The following FBXL17 variants were observed in gnomAD, a reference collection of about 807,000 sequenced individuals.
FBXL17 encodes F-box and leucine rich repeat protein 17, also known as F-box/LRR-repeat protein 17.
Under a neutral mutation model 66.2 loss-of-function variants are expected in FBXL17, and 22 were observed. The ratio of observed to expected loss-of-function variants is 0.33; its 90% confidence interval spans 0.24 to 0.47. The LOEUF is 0.47. Ranked by LOEUF, FBXL17 falls within the 20% of genes least tolerant of loss-of-function variation. FBXL17 has a pLI of 1.00. For synonymous variants in FBXL17, 474 were observed against 400.5 expected, an observed-to-expected ratio of 1.18 and a Z score of -2.19; for missense variants, 878 against 948.2, an observed-to-expected ratio of 0.93 and a Z score of 0.97.
chr5:107,979,373 C>T (rs1363172599), intron 7 of FBXL17, among the ~76,000 whole-genome samples: 2 of 152,190 alleles, frequency 1.3e-5, no homozygotes, highest in Admixed American at 1.3e-4. Context: ...TCCAGCATTT[C>T]AATCAAAGTG....
At chr5:108,373,876 C>T (rs537551706) in intron 1 of FBXL17, among the ~76,000 whole-genome samples, 3 of 152,212 alleles carry the variant, frequency 2.0e-5, no homozygotes, top group African/African-American at 7.2e-5. Flanking sequence ...TGTGATCGTG[C>T]CACTGCATTC....
At chr5:108,169,059 G>A (rs34421) in intron 6 of FBXL17, among the ~76,000 whole-genome samples, 2 of 151,938 alleles carry the variant, frequency 1.3e-5, no homozygotes, top group African/African-American at 2.4e-5. Flanking sequence ...CAATGTCTGC[G>A]TGGATGTCTA....
chr5:107,933,274 A>C (rs1230501258), intron 7 of FBXL17, among the ~76,000 whole-genome samples: 1 of 152,196 alleles, frequency 6.6e-6, no homozygotes, highest in African/African-American at 2.4e-5. Context: ...TGCATTTGCC[A>C]TTCTATCCAG....
intron 5 of FBXL17, among the ~76,000 whole-genome samples, chr5:108,213,463 A>C (rs1025890642): frequency 6.6e-6 from 1 of 152,188 alleles, no homozygotes; most frequent in Non-Finnish European, 1.5e-5. Context: ...GCAGATTGCA[A>C]AGACCATGGG....
chr5:108,035,517 T>A (rs1746807613), intron 6 of FBXL17, among the ~76,000 whole-genome samples: 1 of 151,974 alleles, frequency 6.6e-6, no homozygotes, highest in South Asian at 2.1e-4. Context: ...CAGGCATGTG[T>A]CACCATGCCC....
At chr5:108,182,579 CTTAA>C (rs1044257994) in intron 6 of FBXL17, among the ~76,000 whole-genome samples, 1 of 152,166 alleles carries the variant, frequency 6.6e-6, no homozygotes, top group Non-Finnish European at 1.5e-5. Flanking sequence ...TGCATGTTTT[CTTAA>C]TTAATCCAAA....
chr5:108,288,570 T>C (rs769258894), intron 4 of FBXL17, among the ~76,000 whole-genome samples: 28 of 151,798 alleles, frequency 1.8e-4, no homozygotes, highest in Non-Finnish European at 4.0e-4. Context: ...CACACAGTAA[T>C]GATAGTGTTA....
Position 108,263,741 on chromosome 5 carries a change from T to C in FBXL17, c.1507-39513A>G, listed in dbSNP as rs75100411. ...ATTTAATACATAAAAAACACATCTA[T>C]GTATTTTCACATTATCCTGAAAAAG... On this transcript the variant is annotated intron_variant, in intron 4 of 8. Transcript: ENST00000542267. Among the ~76,000 whole-genome samples the C allele has an allele frequency of 2.7e-4, 41 of 152,294 alleles. 1 individual carries two copies. In the East Asian group the frequency reaches 6.7e-3, roughly 25 times the overall value.
At chr5:108,338,019 CAG>C (rs763963553) in intron 4 of FBXL17, among the ~76,000 whole-genome samples, 6 of 150,958 alleles carry the variant, frequency 4.0e-5, no homozygotes, top group South Asian at 2.1e-4. Context: ...ATATGATAAA[CAG>C]AGATTTATCA....
chr5:107,937,801 T>A (rs1331376441), intron 7 of FBXL17, among the ~76,000 whole-genome samples: 1 of 152,026 alleles, frequency 6.6e-6, no homozygotes, highest in Admixed American at 6.6e-5. Context: ...AATATTGAGA[T>A]TACAGGGGTC....
chr5:107,981,468 T>C (rs1006121865), intron 7 of FBXL17, among the ~76,000 whole-genome samples: 3 of 152,208 alleles, frequency 2.0e-5, no homozygotes, highest in Non-Finnish European at 2.9e-5. Context: ...GAGTAGCCCC[T>C]TATTGGAGCA....
chr5:108,259,366 T>A (rs1280894994), intron 4 of FBXL17, among the ~76,000 whole-genome samples: 1 of 152,178 alleles, frequency 6.6e-6, no homozygotes, highest in East Asian at 1.9e-4. Context: ...AATTGAGAAT[T>A]GATTTCAAAG....
intron 6 of FBXL17, among the ~76,000 whole-genome samples, chr5:108,076,785 C>T (rs1405635017): frequency 6.6e-6 from 1 of 152,098 alleles, no homozygotes; most frequent in South Asian, 2.1e-4. Flanking sequence ...TGAAAAGAAA[C>T]ATTTACCACC....
chr5:108,222,959 C>T (rs1754935849), intron 5 of FBXL17, among the ~76,000 whole-genome samples: 1 of 152,000 alleles, frequency 6.6e-6, no homozygotes, highest in Non-Finnish European at 1.5e-5. Flanking sequence ...CAGGAGTGAT[C>T]CATTGTGCCT....
At chr5:108,171,986 C>T (rs1023739510) in intron 6 of FBXL17, among the ~76,000 whole-genome samples, 25 of 152,172 alleles carry the variant, frequency 1.6e-4, no homozygotes, top group African/African-American at 6.0e-4. Context: ...TGACTTGCTC[C>T]TCCTTGCCTT....
intron 4 of FBXL17, among the ~76,000 whole-genome samples, chr5:108,240,141 T>C (rs1755789528): frequency 1.3e-5 from 2 of 152,030 alleles, no homozygotes; most frequent in Non-Finnish European, 2.9e-5. Context: ...CTAGCTGTTG[T>C]GGCTATAGGG....
rs1017403203 is a variant in FBXL17, at chr5:108,381,432, C to CGCG, written c.257_259dup (p.Pro86dup). 12 of 1,315,798 alleles carry CGCG rather than the reference C, an allele frequency of 9.1e-6. No individual in the cohort carries two copies. Among genetic ancestry groups the CGCG allele is most frequent in the African/African-American group, 3.1e-5 (2 of 64,756 alleles). The allele number at this position is 1,315,798 out of a possible 1,614,324, so 81.5% of individuals were successfully genotyped here. ...GGAGGCGGCAGCGTAGGCCCCGTCC[C>CGCG]GCGGCGGCGGCGAGAGCGGCGGCTC... On this transcript the variant is annotated inframe_insertion, in exon 1 of 9. Transcript: ENST00000542267.
intron 7 of FBXL17, among the ~76,000 whole-genome samples, chr5:107,886,817 C>T (rs1748984392): frequency 6.6e-6 from 1 of 151,162 alleles, no homozygotes; most frequent in Non-Finnish European, 1.5e-5. Flanking sequence ...TGAATAACTT[C>T]AATGTACTTA....
In FBXL17 at chr5:108,381,641, C is replaced by A; in HGVS notation, c.51G>T (p.Arg17Ser). The change falls in exon 1 of 9, where the codon AGG becomes AGT. Residue 17 changes from arginine to serine, a missense_variant. By Grantham distance (110) the Arg-to-Ser change is moderately radical. This residue lies in a region of FBXL17 where 605 missense variants were observed against 509.5 expected (regional missense o/e 1.19). Coordinates refer to ENST00000542267, the MANE Select transcript of FBXL17 (RefSeq NM_001163315.3). ...KEPRNRPSQK[R>S]PRCCSWCRRR... ...GGCGGCACCAACTGCAACAGCGAGGCCTCTTCTGGCTCGGGCGGTTACGCG... is the reference window on the plus strand; with the variant it reads ...GGCGGCACCAACTGCAACAGCGAGGACTCTTCTGGCTCGGGCGGTTACGCG... 6.7e-7 allele frequency: 1 copy of A among 1,486,322 alleles called. No individual in the cohort carries two copies. The highest frequency in any genetic ancestry group is 2.3e-5 in the Admixed American group (1 of 44,076). The allele number at this position is 1,486,322 out of a possible 1,614,324, so 92.1% of individuals were successfully genotyped here. A position where few individuals can be genotyped will look rare whatever the true frequency, so the allele number is the denominator to read the frequency against.
Sources: allele counts gnomAD v4.1 joint callset (sites outside exome capture counted in the v4.1 genomes callset), GRCh38; gene constraint gnomAD v4.1.1; regional missense constraint gnomAD v4.1.1; transcripts MANE v1.5; gene names NCBI Gene and HGNC (gene_info 2026-07-23, HGNC 2026-07-21).